The following GABRG3 variants were observed in gnomAD, a reference collection of about 807,000 sequenced individuals.
The protein encoded by GABRG3 is gamma-aminobutyric acid type A receptor subunit gamma3.
A neutral mutation model predicts 48.8 loss-of-function variants in GABRG3; 25 were observed. That is an observed-to-expected ratio of 0.51 (90% confidence interval 0.37 to 0.72). The LOEUF (loss-of-function observed/expected upper bound fraction) is 0.72. Ranked by LOEUF, GABRG3 falls within the 30% of genes least tolerant of loss-of-function variation. The pLI, the probability that GABRG3 is intolerant of heterozygous loss-of-function variation, is 0.00. For synonymous variants in GABRG3, 227 were observed against 217.6 expected, an observed-to-expected ratio of 1.04 and a Z score of -0.38; for missense variants, 394 against 577.9, an observed-to-expected ratio of 0.68 and a Z score of 3.26.
intron 3 of GABRG3, among the ~76,000 whole-genome samples, chr15:27,316,740 A>G (rs547163388): frequency 6.6e-6 from 1 of 152,288 alleles, no homozygotes; most frequent in African/African-American, 2.4e-5. Flanking sequence ...TGTCAAGGCT[A>G]TGGCTGTGAA....
intron 3 of GABRG3, among the ~76,000 whole-genome samples, chr15:27,194,394 T>C (rs1471518100): frequency 1.3e-5 from 2 of 152,224 alleles, no homozygotes; most frequent in African/African-American, 2.4e-5. Flanking sequence ...CCTTCCTTTA[T>C]TGTCATGTCC....
intron 3 of GABRG3, among the ~76,000 whole-genome samples, chr15:27,291,890 A>G (rs1382160578): frequency 1.3e-5 from 2 of 152,176 alleles, no homozygotes; most frequent in East Asian, 1.9e-4. Flanking sequence ...TGAGAGAGAA[A>G]GGGTATGGCG....
intron 5 of GABRG3, among the ~76,000 whole-genome samples, chr15:27,336,208 A>AAG (rs71285057): frequency 0.014 from 1,967 of 138,706 alleles, 16 homozygotes; most frequent in Middle Eastern, 0.035. Flanking sequence ...GAAAGAAAGA[A>AAG]AGAGAGAGAG....
chr15:27,139,753 A>G (rs1457151252), intron 3 of GABRG3, among the ~76,000 whole-genome samples: 2 of 152,160 alleles, frequency 1.3e-5, no homozygotes, highest in Admixed American at 1.3e-4. Flanking sequence ...TTTGTATGCT[A>G]ATGAGCTGAC....
intron 3 of GABRG3, among the ~76,000 whole-genome samples, chr15:27,285,295 G>C (rs867560853): frequency 8.8e-6 from 1 of 113,274 alleles, no homozygotes; most frequent in South Asian, 2.4e-4. Flanking sequence ...GTGTGTGTGT[G>C]TGTGTGTTTT....
At chr15:27,105,263 A>G (rs1897430108) in intron 3 of GABRG3, among the ~76,000 whole-genome samples, 1 of 152,166 alleles carries the variant, frequency 6.6e-6, no homozygotes, top group Non-Finnish European at 1.5e-5. Context: ...ACATCAAGCA[A>G]CAGAGCCTCA....
intron 5 of GABRG3, among the ~76,000 whole-genome samples, chr15:27,477,266 A>G (rs1889967879): frequency 6.6e-6 from 1 of 152,240 alleles, no homozygotes; most frequent in South Asian, 2.1e-4. Context: ...TAAATGAGCT[A>G]TTAAGCCATG....
rs148586346 is a variant in GABRG3, at chr15:27,020,889, C to T, written c.203-5865C>T. ...GACGATCTTTTATCAGCTCTTTTCC[C>T]GCTTGACTACTTGGGTCAGCTTGTA... On this transcript the variant is annotated intron_variant, in intron 2 of 9. Transcript: ENST00000615808. Among the ~76,000 whole-genome samples the T allele has an allele frequency of 1.1e-3, 172 of 152,228 alleles. 4 individuals are homozygous for T. In the East Asian group the frequency reaches 0.023, roughly 20 times the overall value.
intron 3 of GABRG3, among the ~76,000 whole-genome samples, chr15:27,326,403 G>A (rs1372152594): frequency 2.0e-5 from 3 of 152,020 alleles, no homozygotes; most frequent in African/African-American, 4.8e-5. Context: ...TTTTATCTTC[G>A]TTAACACCTT....
intron 3 of GABRG3, among the ~76,000 whole-genome samples, chr15:27,302,561 C>T (rs962684241): frequency 1.3e-5 from 2 of 151,982 alleles, no homozygotes; most frequent in African/African-American, 2.4e-5. Context: ...AACATCCACA[C>T]CTCAGTAATA....
chr15:26,994,566 G>A (rs1895306439), intron 2 of GABRG3, among the ~76,000 whole-genome samples: 1 of 151,904 alleles, frequency 6.6e-6, no homozygotes, highest in Non-Finnish European at 1.5e-5. Context: ...AAAGGTTGTA[G>A]TTATTATTAT....
intron 6 of GABRG3, among the ~76,000 whole-genome samples, chr15:27,505,821 A>G (rs1256949175): frequency 6.6e-6 from 1 of 152,196 alleles, no homozygotes; most frequent in Non-Finnish European, 1.5e-5. Flanking sequence ...GAGAAAAAAG[A>G]TTACATAGAA....
chr15:27,191,671 CTT>C (rs1354332110), intron 3 of GABRG3, among the ~76,000 whole-genome samples: 1 of 152,154 alleles, frequency 6.6e-6, no homozygotes, highest in African/African-American at 2.4e-5. Context: ...GGTCTTGACT[CTT>C]TATCCAGTTT....
intron 3 of GABRG3, among the ~76,000 whole-genome samples, chr15:27,197,495 A>C: frequency 6.7e-6 from 1 of 149,402 alleles, no homozygotes; most frequent in African/African-American, 2.5e-5. Flanking sequence ...TATCATCAGT[A>C]CCATGTGAAT....
At chr15:27,099,341 TG>T (rs1251882442) in intron 3 of GABRG3, among the ~76,000 whole-genome samples, 1 of 152,168 alleles carries the variant, frequency 6.6e-6, no homozygotes, top group Non-Finnish European at 1.5e-5. Context: ...TTCTGGAGGC[TG>T]GAAGTCCAAG....
chr15:27,214,323 G>T (rs949243198), intron 3 of GABRG3, among the ~76,000 whole-genome samples: 3 of 152,230 alleles, frequency 2.0e-5, no homozygotes, highest in Non-Finnish European at 4.4e-5. Context: ...ATGAGATGCC[G>T]ACAAGGCCCC....
chr15:26,983,812 ACCTCAAG>A (rs927581744), intron 2 of GABRG3, among the ~76,000 whole-genome samples: 1 of 152,090 alleles, frequency 6.6e-6, no homozygotes, highest in Non-Finnish European at 1.5e-5. Flanking sequence ...AAAGAGACAA[ACCTCAAG>A]CCTCAAACTA....
At chr15:27,137,510 G>A (rs1898030787) in intron 3 of GABRG3, among the ~76,000 whole-genome samples, 1 of 152,154 alleles carries the variant, frequency 6.6e-6, no homozygotes, top group Non-Finnish European at 1.5e-5. Context: ...ATCACATGAT[G>A]TGATTTTTCT....
At position 27,009,170 on chromosome 15, in the gene GABRG3, C is replaced by T. The variant is rs74812949; in HGVS notation, c.203-17584C>T. 3.0e-3 allele frequency among the ~76,000 whole-genome samples: 462 copies of T among 152,242 alleles called. 6 individuals are homozygous for T. The highest frequency in any genetic ancestry group is 0.011 in the African/African-American group (450 of 41,546). ...TCCACAGGTGCACACTGGACTGCTG[C>T]GGGCTCCTCTAGGTTGACATAAAGA... On this transcript the variant is annotated intron_variant, in intron 2 of 9. Transcript: ENST00000615808.
Sources: allele counts gnomAD v4.1 joint callset (sites outside exome capture counted in the v4.1 genomes callset), GRCh38; gene constraint gnomAD v4.1.1; transcripts MANE v1.5; gene names NCBI Gene and HGNC (gene_info 2026-07-23, HGNC 2026-07-21).